The following RTN4RL1 variants were observed in gnomAD, a reference collection of about 807,000 sequenced individuals.
RTN4RL1 encodes reticulon-4 receptor-like 1.
Under a neutral mutation model 25.6 loss-of-function variants are expected in RTN4RL1, and 7 were observed. The ratio of observed to expected loss-of-function variants is 0.27; its 90% CI spans 0.16 to 0.51. The LOEUF is 0.51. Ranked by LOEUF, RTN4RL1 falls within the 20% of genes least tolerant of loss-of-function variation. The probability of loss-of-function intolerance (pLI) is 0.97; values close to 1 mark genes in which losing one functional copy is unlikely to be tolerated. For synonymous variants in RTN4RL1, 297 were observed against 288.2 expected, an observed-to-expected ratio of 1.03 and a Z score of -0.31; for missense variants, 500 against 615.6, an observed-to-expected ratio of 0.81 and a Z score of 1.99.
chr17:1,966,634 C>T (rs1010978705), intron 1 of RTN4RL1, among the ~76,000 whole-genome samples: 4 of 152,056 alleles, frequency 2.6e-5, no homozygotes, highest in South Asian at 2.1e-4. Context: ...CTGTGTGGCC[C>T]GAAGTTCCAG....
intron 1 of RTN4RL1, among the ~76,000 whole-genome samples, chr17:1,976,679 G>A (rs2066843887): frequency 6.6e-6 from 1 of 152,198 alleles, no homozygotes. Flanking sequence ...AACCACTGCA[G>A]TTGGGGCTCA....
At chr17:1,953,963 G>A (rs1915736713) in intron 1 of RTN4RL1, among the ~76,000 whole-genome samples, 1 of 152,230 alleles carries the variant, frequency 6.6e-6, no homozygotes, top group Admixed American at 6.5e-5. Context: ...TGGCCCTGAA[G>A]CCCCATCTTT....
intron 1 of RTN4RL1, among the ~76,000 whole-genome samples, chr17:1,976,290 G>A (rs992656589): frequency 1.3e-5 from 2 of 152,226 alleles, no homozygotes; most frequent in African/African-American, 4.8e-5. Context: ...GAAGGTCAAG[G>A]TTCCAGAGAC....
chr17:1,960,810 G>A (rs1453099551), intron 1 of RTN4RL1, among the ~76,000 whole-genome samples: 2 of 151,968 alleles, frequency 1.3e-5, no homozygotes, highest in African/African-American at 4.8e-5. Flanking sequence ...TAGCACGTTG[G>A]CCTCGGAGTT....
At chr17:1,978,702 G>A (rs899449496) in intron 1 of RTN4RL1, among the ~76,000 whole-genome samples, 1 of 152,212 alleles carries the variant, frequency 6.6e-6, no homozygotes, top group East Asian at 1.9e-4. Context: ...GGAGCGTGGT[G>A]CTTAGCAAAT....
At chr17:1,964,788 C>CTTTTTTTTTTTTT (rs34138766) in intron 1 of RTN4RL1, among the ~76,000 whole-genome samples, 6 of 124,714 alleles carry the variant, frequency 4.8e-5, no homozygotes, top group Non-Finnish European at 6.6e-5. Context: ...CTTTTCTTTT[C>CTTTTTTTTTTTTT]TTTTTTTTTT....
chr17:1,939,292 G>A (rs1890692161), intron 1 of RTN4RL1, among the ~76,000 whole-genome samples: 1 of 152,020 alleles, frequency 6.6e-6, no homozygotes, highest in South Asian at 2.1e-4. Flanking sequence ...GGTGGAGCTT[G>A]CAGTGAGCTG....
chr17:1,993,122 C>G (rs1442744466), intron 1 of RTN4RL1, among the ~76,000 whole-genome samples: 1 of 152,108 alleles, frequency 6.6e-6, no homozygotes, highest in East Asian at 1.9e-4. Context: ...GTGGTGAGCA[C>G]CTGTGATCCC....
At chr17:1,971,585 G>A (rs534987056) in intron 1 of RTN4RL1, among the ~76,000 whole-genome samples, 5 of 151,744 alleles carry the variant, frequency 3.3e-5, no homozygotes, top group Non-Finnish European at 5.9e-5. Flanking sequence ...ATCCCAGCAC[G>A]TCGGGAGGCT....
chr17:1,962,369 A>G (rs1006275053), intron 1 of RTN4RL1, among the ~76,000 whole-genome samples: 1 of 151,814 alleles, frequency 6.6e-6, no homozygotes, highest in African/African-American at 2.4e-5. Flanking sequence ...TTATTTACTT[A>G]TTTTTTGAGA....
At chr17:1,943,309 G>T (rs547273249) in intron 1 of RTN4RL1, among the ~76,000 whole-genome samples, 1 of 152,238 alleles carries the variant, frequency 6.6e-6, no homozygotes, top group Non-Finnish European at 1.5e-5. Flanking sequence ...CATCCTGCAC[G>T]TGGTGGGCAG....
At chr17:1,957,786 C>G (rs11649915) in intron 1 of RTN4RL1, among the ~76,000 whole-genome samples, 1 of 151,940 alleles carries the variant, frequency 6.6e-6, no homozygotes, top group Non-Finnish European at 1.5e-5. Flanking sequence ...GGAGGTTGCA[C>G]TAAGCCTAGA....
At chr17:1,958,181 T>C (rs950475782) in intron 1 of RTN4RL1, among the ~76,000 whole-genome samples, 4 of 152,110 alleles carry the variant, frequency 2.6e-5, no homozygotes, top group African/African-American at 9.7e-5. Flanking sequence ...CAAAGTGAGA[T>C]TGTGTCTCAA....
intron 1 of RTN4RL1, among the ~76,000 whole-genome samples, chr17:1,961,947 CAAA>C (rs368701033): frequency 1.9e-5 from 2 of 105,032 alleles, no homozygotes. Flanking sequence ...GACTCTGCCT[CAAA>C]AAAAAAAAAG....
At chr17:1,974,713 T>C (rs1163509138) in intron 1 of RTN4RL1, among the ~76,000 whole-genome samples, 1 of 38,242 alleles carries the variant, frequency 2.6e-5, no homozygotes, top group African/African-American at 1.0e-4. Context: ...TGCCAGCCTG[T>C]GGGGGTGGGG....
At position 1,994,500 on chromosome 17, in the gene RTN4RL1, C is replaced by T. The variant is rs2066921650; in HGVS notation, c.13+30353G>A. The stretch of plus-strand genomic sequence containing the variant: ...TCTCAATTCTCAGGTCAGAAAATGC[C>T]AAGGGGCCTGCTCCATCCCCTTCCC... On this transcript the variant is annotated intron_variant, in intron 1 of 1. Coordinates refer to ENST00000331238, the MANE Select transcript of RTN4RL1 (RefSeq NM_178568.4). This position sits in a 1 kb window ranked among gnomAD's most constrained non-coding sequence, Gnocchi z 4.3. Among the ~76,000 whole-genome samples the T allele has an allele frequency of 6.6e-6, 1 of 152,198 alleles. No homozygotes were observed. The highest frequency in any genetic ancestry group is 1.5e-5 in the Non-Finnish European group (1 of 68,032).
chr17:1,961,934 C>A (rs929601780), intron 1 of RTN4RL1, among the ~76,000 whole-genome samples: 1 of 139,322 alleles, frequency 7.2e-6, no homozygotes, highest in African/African-American at 2.7e-5. Context: ...GGCTACAGAG[C>A]GAGACTCTGC....
At chr17:1,985,639 T>C (rs2066884432) in intron 1 of RTN4RL1, among the ~76,000 whole-genome samples, 1 of 152,170 alleles carries the variant, frequency 6.6e-6, no homozygotes, top group African/African-American at 2.4e-5. Context: ...TTACAAGTAG[T>C]TCCATCTGAG....
chr17:1,972,262 G>A (rs890791604), intron 1 of RTN4RL1, among the ~76,000 whole-genome samples: 4 of 151,544 alleles, frequency 2.6e-5, no homozygotes, highest in Admixed American at 2.0e-4. Context: ...AGCAGAGATC[G>A]CGCCACTGCA....
Sources: allele counts gnomAD v4.1 joint callset (sites outside exome capture counted in the v4.1 genomes callset), GRCh38; gene constraint gnomAD v4.1.1; non-coding constraint Gnocchi (gnomAD v3.1); transcripts MANE v1.5; gene names NCBI Gene and HGNC (gene_info 2026-07-23, HGNC 2026-07-21).